The following PSMA2 variants were observed in gnomAD, a reference collection of about 807,000 sequenced individuals.
The protein encoded by PSMA2 is proteasome subunit alpha type-2.
PSMA2 carries 2 observed loss-of-function variants against 35.9 expected under a neutral mutation model. That is an observed-to-expected ratio of 0.06 (90% CI 0.02 to 0.18). The LOEUF is 0.18. Ranked by LOEUF, PSMA2 falls within the 10% of genes least tolerant of loss-of-function variation. The probability of loss-of-function intolerance (pLI) is 1.00; values close to 1 mark genes in which losing one functional copy is unlikely to be tolerated. For missense variants in PSMA2, 126 were observed against 278.8 expected (o/e 0.45, Z 3.90); for synonymous variants, 97 against 98.2 (o/e 0.99, Z 0.07).
intron 3 of PSMA2, among the ~76,000 whole-genome samples, chr7:42,925,546 T>C (rs1786198876): frequency 6.6e-6 from 1 of 152,230 alleles, no homozygotes. Flanking sequence ...TCCAGTGCAG[T>C]TTAAAATGAT....
intron 4 of PSMA2, 30 bp from the exon 5 acceptor site, chr7:42,923,436 C>T (rs1417490582): frequency 3.6e-5 from 55 of 1,543,886 alleles, no homozygotes; most frequent in Non-Finnish European, 4.9e-5. Flanking sequence ...AATTACTTGG[C>T]ATTTTCATGG....
At chr7:42,920,102 T>C (rs1261535984) in intron 6 of PSMA2, 1 of 531,466 alleles carries the variant, frequency 1.9e-6, no homozygotes. Context: ...ACATCAAGCA[T>C]GTGCCACAGA....
At chr7:42,925,655 A>G (rs1786201013) in intron 3 of PSMA2, among the ~76,000 whole-genome samples, 1 of 152,248 alleles carries the variant, frequency 6.6e-6, no homozygotes, top group Non-Finnish European at 1.5e-5. Context: ...AATCAAATAT[A>G]TTAGCAAGAC....
intron 1 of PSMA2, chr7:42,931,216 C>G (rs1397840947): frequency 4.6e-6 from 2 of 434,532 alleles, no homozygotes; most frequent in African/African-American, 4.1e-5. Flanking sequence ...TAAGTTGCAC[C>G]TAACAAAGTA....
chr7:42,923,287 T>C (rs756966094), intron 5 of PSMA2, 38 bp downstream of exon 5: 3 of 1,491,438 alleles, frequency 2.0e-6, no homozygotes, highest in Non-Finnish European at 2.8e-6. Flanking sequence ...CAAAGAGCAC[T>C]TTTAACAAAT....
intron 1 of PSMA2, among the ~76,000 whole-genome samples, chr7:42,930,462 G>A (rs1281683807): frequency 2.0e-5 from 3 of 151,738 alleles, no homozygotes; most frequent in Non-Finnish European, 4.4e-5. Flanking sequence ...GTGTTGCCCA[G>A]GCTAGTCTTG....
intron 6 of PSMA2, 137 bp from the exon 7 acceptor site, chr7:42,917,972 C>T: frequency 1.7e-6 from 1 of 582,850 alleles, no homozygotes; most frequent in Admixed American, 3.3e-5. Context: ...TTTTAATCAC[C>T]TCCTTGTAGC....
intron 1 of PSMA2, among the ~76,000 whole-genome samples, chr7:42,929,996 TTAAAA>T (rs1391948116): frequency 1.3e-5 from 2 of 152,136 alleles, no homozygotes; most frequent in African/African-American, 4.8e-5. Flanking sequence ...CTTCACCCAT[TTAAAA>T]TAAAATTCCT....
intron 1 of PSMA2, among the ~76,000 whole-genome samples, chr7:42,929,811 T>G (rs1430162352): frequency 1.3e-5 from 2 of 152,218 alleles, no homozygotes; most frequent in African/African-American, 4.8e-5. Context: ...TTTATTCCTT[T>G]AAGAGCTCAA....
intron 1 of PSMA2, among the ~76,000 whole-genome samples, chr7:42,929,534 A>G (rs921672502): frequency 6.6e-6 from 1 of 152,164 alleles, no homozygotes; most frequent in Non-Finnish European, 1.5e-5. Context: ...AACCATCTTT[A>G]TATTCCATAA....
chr7:42,926,096 T>C (rs1164643356), intron 3 of PSMA2, among the ~76,000 whole-genome samples: 2 of 152,234 alleles, frequency 1.3e-5, no homozygotes, highest in Non-Finnish European at 2.9e-5. Context: ...GAGAATTTTG[T>C]TCCTTTGTGA....
intron 2 of PSMA2, 125 bp from the exon 3 acceptor site, chr7:42,926,793 C>A: frequency 8.6e-7 from 1 of 1,163,028 alleles, no homozygotes; most frequent in South Asian, 1.9e-5. Flanking sequence ...CCTTTTCTTC[C>A]GGAGTCCTAT....
chr7:42,926,691 T>C (rs925919925), intron 2 of PSMA2, 23 bp from the exon 3 acceptor site: 3 of 1,582,314 alleles, frequency 1.9e-6, no homozygotes, highest in African/African-American at 1.4e-5. Flanking sequence ...GAGAGAGACA[T>C]AAATGTTTAA....
chr7:42,917,510 A>G lies in PSMA2; in HGVS notation c.*64T>C, dbSNP rs1490531195. The G allele has an allele frequency of 2.3e-6, 3 of 1,279,526 alleles. No homozygotes were observed. Among genetic ancestry groups the G allele is most frequent in the Non-Finnish European group, 3.4e-6 (3 of 892,124 alleles). 79.3% of individuals were successfully genotyped at this position (1,279,526 alleles called of 1,614,324 possible). On this transcript the variant is annotated 3_prime_UTR_variant, in exon 8 of 8. Transcript: ENST00000223321. ...ATGCAAAAAGTCTGCAAAACAAAAC[A>G]TACTTTAAACATGTTTAAGTAGATA...
rs1342601177 is a variant in PSMA2, at chr7:42,917,539, T to A, written c.*35A>T. 2.0e-6 allele frequency: 3 copies of A among 1,476,686 alleles called. No homozygotes were observed. The highest frequency in any genetic ancestry group is 2.8e-5 in the African/African-American group (2 of 71,998). 91.5% of individuals were successfully genotyped at this position (1,476,686 alleles called of 1,614,324 possible). A position where few individuals can be genotyped will look rare whatever the true frequency, so the allele number is the denominator to read the frequency against. On this transcript the variant is annotated 3_prime_UTR_variant, in exon 8 of 8. Coordinates refer to ENST00000223321, the MANE Select transcript of PSMA2 (RefSeq NM_002787.5). ...TTTAAACATGTTTAAGTAGATAGAT[T>A]ATCTGAAATTCTGGATTTTTCAGTC... is the stretch of plus-strand genomic sequence containing the variant.
intron 4 of PSMA2, among the ~76,000 whole-genome samples, chr7:42,924,456 A>AGCT (rs1786177744): frequency 6.6e-6 from 1 of 152,042 alleles, no homozygotes; most frequent in Non-Finnish European, 1.5e-5. Flanking sequence ...TATATCTAGA[A>AGCT]GCTGCTTTCT....
At chr7:42,917,905 GCAA>G (rs1786058799) in intron 6 of PSMA2, 70 bp from the exon 7 acceptor site, 3 of 1,113,974 alleles carry the variant, frequency 2.7e-6, no homozygotes, top group Non-Finnish European at 3.8e-6. Flanking sequence ...TACAATGACA[GCAA>G]CAACGTAAGT....
intron 6 of PSMA2, chr7:42,919,929 A>G: frequency 2.6e-6 from 2 of 755,044 alleles, no homozygotes; most frequent in South Asian, 1.3e-5. Flanking sequence ...AAACTGTGGT[A>G]GGAAAAACAT....
intron 1 of PSMA2, among the ~76,000 whole-genome samples, chr7:42,929,220 T>C (rs1330296980): frequency 4.6e-5 from 7 of 152,200 alleles, no homozygotes; most frequent in African/African-American, 1.7e-4. Flanking sequence ...GGGTGACAGC[T>C]TTAAGGCTCT....
Sources: gnomAD v4.1 joint callset for allele counts (sites outside exome capture counted in the v4.1 genomes callset) on GRCh38, gnomAD v4.1.1 for gene constraint, MANE v1.5 for transcripts, NCBI Gene and HGNC (gene_info 2026-07-23, HGNC 2026-07-21) for gene names.